The following HK1 variants were observed in gnomAD, a reference collection of about 807,000 sequenced individuals.
HK1 encodes the protein hexokinase 1, also known as hexokinase-1.
HK1 carries 28 observed loss-of-function variants against 91.6 expected under a neutral mutation model. That is an observed-to-expected ratio of 0.31 (90% CI 0.23 to 0.42). HK1 has a LOEUF of 0.42. HK1 is among the 10% of genes least tolerant of loss of function. HK1 has a pLI of 1.00. For missense variants in HK1, 770 were observed against 1,219.8 expected (o/e 0.63, Z 5.49); for synonymous variants, 430 against 468.1 (o/e 0.92, Z 1.05).
chr10:69,359,978 A>G lies in HK1; in HGVS notation c.308A>G (p.Gln103Arg), dbSNP rs1235034990. ...LRVQVNHEKN[Q>R]NVHMESEVYD... ...GTGCAAGTGAATCATGAGAAAAACC[A>G]GAATGTTCACATGGAGTCCGAGGTT... The change falls in exon 3 of 18, where the codon CAG (glutamine) becomes CGG (arginine). Residue 103 changes from glutamine (Q) to arginine (R), a missense_variant. Coordinates refer to ENST00000359426, the MANE Select transcript of HK1 (RefSeq NM_000188.3). 1 of 1,614,040 alleles carries G rather than the reference A, an allele frequency of 6.2e-7. No individual in the cohort carries two copies. The highest frequency in any genetic ancestry group is 8.5e-7 in the Non-Finnish European group (1 of 1,179,972).
rs1844834150 is a variant in HK1, at chr10:69,283,105, C to CTG, written c.-215+401_-215+402insTG. ...CGCCACTGCACTCCAGCCTGGGTGA[C>CTG]AAGAGCGAAACTCAGTTTCAAAAAA... On this transcript the variant is annotated intron_variant, in intron 2 of 21. Coordinates refer to the HK1 transcript ENST00000360289. Among the ~76,000 whole-genome samples the CTG allele has an allele frequency of 8.7e-5, 9 of 103,956 alleles. No homozygotes were observed. In the South Asian group the frequency reaches 9.8e-4, roughly 11 times the overall value. The allele number at this position is 103,956 out of a possible 152,430, so 68.2% of individuals were successfully genotyped here. A position where few individuals can be genotyped will look rare whatever the true frequency, so the allele number is the denominator to read the frequency against.
At chr10:69,319,206 G>T (rs995760639) in intron 1 of HK1, 196 bp downstream of exon 1, 7 of 690,940 alleles carry the variant, frequency 1.0e-5, no homozygotes, top group Non-Finnish European at 1.5e-5. Flanking sequence ...GTGCGTTTTT[G>T]GGAGGGGGGC....
chr10:69,289,721 C>T (rs1845206221), intron 3 of HK1, among the ~76,000 whole-genome samples: 1 of 151,804 alleles, frequency 6.6e-6, no homozygotes, highest in Non-Finnish European at 1.5e-5. Flanking sequence ...ATCCGCCCAC[C>T]TCAGCCTCCC....
chr10:69,372,488 T>G (rs1004568264), intron 7 of HK1, among the ~76,000 whole-genome samples: 7 of 152,220 alleles, frequency 4.6e-5, no homozygotes, highest in African/African-American at 1.7e-4. Context: ...TTGAAAGCCA[T>G]TTTACCCTCT....
chr10:69,338,114 G>C, intron 1 of HK1: 3 of 331,908 alleles, frequency 9.0e-6, no homozygotes, highest in Non-Finnish European at 1.4e-5. Flanking sequence ...GCTCTGCGGG[G>C]GTCCAACTTT....
chr10:69,312,909 C>G (rs908718574), upstream of HK1, among the ~76,000 whole-genome samples: 2 of 152,106 alleles, frequency 1.3e-5, no homozygotes, highest in Admixed American at 1.3e-4. Context: ...ACAAGGGAGC[C>G]GTATTTTGGG....
At chr10:69,319,901 C>T (rs754897130) in intron 1 of HK1, among the ~76,000 whole-genome samples, 5 of 151,492 alleles carry the variant, frequency 3.3e-5, no homozygotes, top group Non-Finnish European at 5.9e-5. Flanking sequence ...CCCGTTTTAT[C>T]AGTGCCAGGT....
intron 7 of HK1, among the ~76,000 whole-genome samples, chr10:69,372,986 C>T (rs1428317307): frequency 2.0e-5 from 3 of 152,164 alleles, no homozygotes; most frequent in Non-Finnish European, 4.4e-5. Flanking sequence ...TCTCCTGCCT[C>T]AGCCTACCAA....
At chr10:69,366,607 G>A (rs1215118812) in intron 4 of HK1, among the ~76,000 whole-genome samples, 1 of 152,106 alleles carries the variant, frequency 6.6e-6, no homozygotes, top group Non-Finnish European at 1.5e-5. Flanking sequence ...AAATGCCTCC[G>A]AGATGTTCTG....
At chr10:69,310,038 G>A (rs368520372) in intron 5 of HK1, among the ~76,000 whole-genome samples, 23 of 139,006 alleles carry the variant, frequency 1.7e-4, no homozygotes, top group South Asian at 4.5e-4. Context: ...CAACAAGAGC[G>A]AAACTCCATC....
intron 8 of HK1, among the ~76,000 whole-genome samples, chr10:69,377,769 G>A (rs1056125918): frequency 1.3e-5 from 2 of 152,136 alleles, no homozygotes; most frequent in Non-Finnish European, 2.9e-5. Flanking sequence ...AACTTCTTTT[G>A]TGCTTGAAAC....
chr10:69,280,882 T>C (rs1256653190), intron 1 of HK1, among the ~76,000 whole-genome samples: 1 of 152,234 alleles, frequency 6.6e-6, no homozygotes, highest in African/African-American at 2.4e-5. Flanking sequence ...AGTTTTCAAA[T>C]AATATGCTTT....
At chr10:69,372,495 C>T (rs1175661746) in intron 7 of HK1, among the ~76,000 whole-genome samples, 1 of 152,196 alleles carries the variant, frequency 6.6e-6, no homozygotes, top group African/African-American at 2.4e-5. Context: ...CCATTTTACC[C>T]TCTTTGTGGC....
rs753204633 is a variant in HK1, at chr10:69,276,138, T to TATATATATATATATATATACAC, written c.-391+6031_-391+6032insTATATATATATATATATACACA. ...AAAAAAATACATATATATATATATA[T>TATATATATATATATATATACAC]ACACATATATATATTCTATATTAAA... On this transcript the variant is annotated intron_variant, in intron 1 of 21. Transcript: ENST00000360289. Among the ~76,000 whole-genome samples the TATATATATATATATATATACAC allele has an allele frequency of 1.8e-3, 137 of 76,368 alleles. 2 individuals are homozygous for TATATATATATATATATATACAC. The highest frequency in any genetic ancestry group is 9.8e-3 in the Middle Eastern group (1 of 102). The allele number at this position is 76,368 out of a possible 152,430, so 50.1% of individuals were successfully genotyped here. A position where few individuals can be genotyped will look rare whatever the true frequency, so the allele number is the denominator to read the frequency against.
chr10:69,327,970 T>C (rs1236500743), intron 1 of HK1, among the ~76,000 whole-genome samples: 10 of 152,216 alleles, frequency 6.6e-5, no homozygotes, highest in Admixed American at 6.5e-4. Context: ...AGGATGGCTC[T>C]CCATGGCCCC....
rs1267442124 is a variant in HK1 at position 69,382,483 on chromosome 10, T to G, written c.1266-4T>G. On this transcript the variant is annotated splice_region_variant and splice_polypyrimidine_tract_variant and intron_variant, in intron 9 of 17. Coordinates refer to ENST00000359426, the MANE Select transcript of HK1 (RefSeq NM_000188.3). ...TTGTGGAATGTCCCCCCTGCCCCCATAAGGTATTCCCGGCGTTTCCACAAG... is the reference window on the plus strand; with the variant it reads ...TTGTGGAATGTCCCCCCTGCCCCCAGAAGGTATTCCCGGCGTTTCCACAAG... 2 of 1,613,984 alleles carry G rather than the reference T, an allele frequency of 1.2e-6. No homozygotes were observed. The highest frequency in any genetic ancestry group is 1.7e-5 in the Admixed American group (1 of 60,024).
chr10:69,307,567 C>T (rs1430999860), intron 5 of HK1, among the ~76,000 whole-genome samples: 1 of 152,188 alleles, frequency 6.6e-6, no homozygotes, highest in Non-Finnish European at 1.5e-5. Context: ...ACTGCCTTGG[C>T]TTGGATCCCA....
At chr10:69,335,505 G>C (rs1179363553) in intron 1 of HK1, among the ~76,000 whole-genome samples, 2 of 152,190 alleles carry the variant, frequency 1.3e-5, no homozygotes, top group African/African-American at 4.8e-5. Flanking sequence ...GGAAGCCCCT[G>C]GCCCTGGCTC....
rs560138464 is a variant in HK1 at position 69,273,467 on chromosome 10, C to T, written c.-391+3359C>T. Among the ~76,000 whole-genome samples, 25 of 152,288 alleles carry T rather than the reference C, an allele frequency of 1.6e-4. No homozygotes were observed. In the East Asian group the frequency reaches 2.5e-3, roughly 15 times the overall value. On this transcript the variant is annotated intron_variant, in intron 1 of 21. Coordinates refer to the HK1 transcript ENST00000360289. ...TCCTGACATCATGATCCGCCCACCT[C>T]GGCCTCCCAAAGTGCTAGGATTACA... is the stretch of plus-strand genomic sequence containing the variant.
Sources: allele counts gnomAD v4.1 joint callset (sites outside exome capture counted in the v4.1 genomes callset), GRCh38; gene constraint gnomAD v4.1.1; transcripts MANE v1.5; gene names NCBI Gene and HGNC (gene_info 2026-07-23, HGNC 2026-07-21).